PWWP3B: variants seen among roughly 807,000 people sequenced by gnomAD.
PWWP3B encodes the protein PWWP domain-containing DNA repair factor 3B.
PWWP3B carries 5 observed loss-of-function variants against 15.7 expected under a neutral mutation model. The observed-to-expected ratio is 0.32, with a 90% CI of 0.17 to 0.67. PWWP3B has a LOEUF of 0.67. PWWP3B is among the 30% of genes least tolerant of loss of function. The pLI, the probability that PWWP3B is intolerant of heterozygous loss-of-function variation, is 0.74. For missense variants in PWWP3B, 519 were observed against 493.1 expected, an observed-to-expected ratio of 1.05 and a Z score of -0.50; for synonymous variants, 203 against 179.8, an observed-to-expected ratio of 1.13 and a Z score of -1.03.
chrX:106,170,088 G>A (rs764116833), intron 1 of PWWP3B, among the ~76,000 whole-genome samples: 1 of 111,796 alleles, frequency 8.9e-6, no homozygotes, highest in Admixed American at 9.5e-5. Flanking sequence ...AAAAGAGCAA[G>A]CCTGAATAAT....
chrX:106,194,695 A>G (rs1480045822), intron 2 of PWWP3B, among the ~76,000 whole-genome samples: 3 of 110,703 alleles, frequency 2.7e-5, no homozygotes, highest in African/African-American at 9.9e-5. Flanking sequence ...GTCTTTGATG[A>G]TGGTGACGTA....
intron 2 of PWWP3B, 110 bp downstream of exon 2, chrX:106,171,249 A>AC (rs1921597718): frequency 8.9e-6 from 1 of 112,453 alleles, no homozygotes; most frequent in Non-Finnish European, 1.9e-5. Flanking sequence ...AGCATTTTAA[A>AC]TTAAAAGCCA....
At chrX:106,175,089 T>G (rs1168540232) in intron 2 of PWWP3B, among the ~76,000 whole-genome samples, 1 of 108,940 alleles carries the variant, frequency 9.2e-6, no homozygotes, top group Non-Finnish European at 1.9e-5. Flanking sequence ...AAAATACTTT[T>G]TAATTTGTGT....
At chrX:106,174,181 C>T in intron 2 of PWWP3B, among the ~76,000 whole-genome samples, 1 of 111,649 alleles carries the variant, frequency 9.0e-6, no homozygotes, top group South Asian at 3.8e-4. Context: ...TCTTTTATTC[C>T]ATTTGATCAT....
Position 106,208,639 on chromosome X carries a change from G to GA in PWWP3B, c.*1121dup, listed in dbSNP as rs754918617. The GA allele has an allele frequency of 8.1e-6, 1 of 124,108 alleles. No individual in the cohort carries two copies. The highest frequency in any genetic ancestry group is 3.2e-5 in the African/African-American group (1 of 31,078). 10.2% of individuals were successfully genotyped at this position (124,108 alleles called of 1,213,427 possible). On this transcript the variant is annotated 3_prime_UTR_variant, in exon 4 of 4. Coordinates refer to ENST00000357175, the MANE Select transcript of PWWP3B (RefSeq NM_001171020.2). ...TCTGAGAATTTGGAAATAGGTCACAGAAAAAGCCTCCATTTGGCTAAATAT... is the reference window on the plus strand; with the variant it reads ...TCTGAGAATTTGGAAATAGGTCACAGAAAAAAGCCTCCATTTGGCTAAATAT...
chrX:106,196,308 C>T (rs917476505), intron 2 of PWWP3B, among the ~76,000 whole-genome samples: 1 of 111,460 alleles, frequency 9.0e-6, no homozygotes, highest in Non-Finnish European at 1.9e-5. Flanking sequence ...TGGCTGGGAT[C>T]GCCAATGTAA....
At chrX:106,193,814 G>T (rs1373925598) in intron 2 of PWWP3B, among the ~76,000 whole-genome samples, 2 of 111,774 alleles carry the variant, frequency 1.8e-5, no homozygotes, top group East Asian at 2.8e-4. Flanking sequence ...AGTTTGGCTG[G>T]ATATGAGATT....
In PWWP3B at chrX:106,207,053, C is replaced by A. The variant is rs1220502326; in HGVS notation, c.1621C>A (p.Leu541Ile). ...QTKKMSFQKILPDRMKAARDR... is the reference protein window; with the variant it reads ...QTKKMSFQKIIPDRMKAARDR... ...CAAGAAAATGTCCTTCCAAAAAATT[C>A]TCCCTGACCGGATGAAGGCTGCTCG... The change falls in exon 4 of 4, where the codon CTC (leucine) becomes ATC (isoleucine). Residue 541 changes from leucine to isoleucine, a missense_variant. Leu to Ile is a conservative substitution (Grantham distance 5, BLOSUM62 2). Transcript: ENST00000357175. 3.3e-6 allele frequency: 4 copies of A among 1,205,762 alleles called. No homozygotes were observed. Among genetic ancestry groups the A allele is most frequent in the South Asian group, 1.8e-5 (1 of 55,981 alleles).
intron 1 of PWWP3B, among the ~76,000 whole-genome samples, chrX:106,169,742 T>C (rs758980210): frequency 1.8e-5 from 2 of 112,469 alleles, no homozygotes; most frequent in African/African-American, 6.4e-5. Context: ...TGTTGAATAC[T>C]ACGCAGCTGT....
chrX:106,181,320 A>G (rs1226761215), intron 2 of PWWP3B, among the ~76,000 whole-genome samples: 2 of 110,887 alleles, frequency 1.8e-5, no homozygotes, highest in African/African-American at 6.6e-5. Flanking sequence ...TTATTCCCTT[A>G]TTTGTCCCCG....
At chrX:106,200,306 C>A (rs977933473) in intron 2 of PWWP3B, among the ~76,000 whole-genome samples, 3 of 111,298 alleles carry the variant, frequency 2.7e-5, no homozygotes, top group African/African-American at 9.8e-5. Flanking sequence ...TTACGTTGAA[C>A]CTTGACATCA....
At chrX:106,181,407 C>T (rs2147595666) in intron 2 of PWWP3B, among the ~76,000 whole-genome samples, 1 of 111,833 alleles carries the variant, frequency 8.9e-6, no homozygotes, top group South Asian at 3.8e-4. Flanking sequence ...GTCCATTTTA[C>T]AGAGTGCTGA....
chrX:106,184,935 C>T (rs982788434), intron 2 of PWWP3B, among the ~76,000 whole-genome samples: 1 of 110,687 alleles, frequency 9.0e-6, no homozygotes, highest in African/African-American at 3.3e-5. Flanking sequence ...TTAGAGGAGG[C>T]TTATCATTAA....
rs1366181571 is a variant in PWWP3B at position 106,206,875 on chromosome X, T to C, written c.1443T>C (p.Gly481=). ...SLICDYRVRI[G]CGSFTGSLLE... ...TTTGTGACTACAGAGTTAGAATAGGTTGTGGTTCTTTCACGGGCTCTTTGC... is the reference window on the plus strand; with the variant it reads ...TTTGTGACTACAGAGTTAGAATAGGCTGTGGTTCTTTCACGGGCTCTTTGC... Residue 481 remains glycine, a synonymous_variant, in exon 4 of 4, where the codon GGT becomes GGC. Coordinates refer to ENST00000357175, the MANE Select transcript of PWWP3B (RefSeq NM_001171020.2). 9.1e-6 allele frequency: 11 copies of C among 1,210,848 alleles called. No homozygotes were observed. The South Asian group carries it at 1.9e-4, about 21-fold the overall frequency.
At chrX:106,198,055 A>G (rs1019742218) in intron 2 of PWWP3B, among the ~76,000 whole-genome samples, 7 of 112,196 alleles carry the variant, frequency 6.2e-5, no homozygotes, top group Non-Finnish European at 1.3e-4. Flanking sequence ...AATGGTTATT[A>G]CTACATTTTT....
intron 2 of PWWP3B, among the ~76,000 whole-genome samples, chrX:106,198,945 C>A (rs1923535174): frequency 9.1e-6 from 1 of 109,897 alleles, no homozygotes; most frequent in Admixed American, 9.7e-5. Context: ...TTAAATAAAG[C>A]CATATATATA....
chrX:106,172,067 G>C (rs1224994701), intron 2 of PWWP3B, among the ~76,000 whole-genome samples: 1 of 110,710 alleles, frequency 9.0e-6, no homozygotes, highest in Non-Finnish European at 1.9e-5. Flanking sequence ...ATATAGAGAA[G>C]TTACAGTAAA....
At chrX:106,170,958 G>A (rs1382056872) in intron 1 of PWWP3B, 54 bp from the exon 2 acceptor site, 1 of 111,473 alleles carries the variant, frequency 9.0e-6, no homozygotes, top group East Asian at 2.8e-4. Flanking sequence ...TTAGAGTTTA[G>A]GTAGGGAAAT....
chrX:106,177,714 GA>G (rs1185386589), intron 2 of PWWP3B, among the ~76,000 whole-genome samples: 2 of 111,888 alleles, frequency 1.8e-5, no homozygotes, highest in Non-Finnish European at 3.8e-5. Flanking sequence ...AAAAATGATA[GA>G]AAAATGTAAA....
Sources: gnomAD v4.1 joint callset for allele counts (sites outside exome capture counted in the v4.1 genomes callset) on GRCh38, gnomAD v4.1.1 for gene constraint, MANE v1.5 for transcripts, NCBI Gene and HGNC (gene_info 2026-07-23, HGNC 2026-07-21) for gene names.